LGR6: variants seen among roughly 807,000 people sequenced by gnomAD.
The protein encoded by LGR6 is leucine-rich repeat-containing G protein-coupled receptor 6.
LGR6 carries 45 observed loss-of-function variants against 69.4 expected under a neutral mutation model. The ratio of observed to expected loss-of-function variants is 0.65; its 90% CI spans 0.51 to 0.83. The LOEUF (loss-of-function observed/expected upper bound fraction) is 0.83, where lower values mean the gene tolerates loss of function less well. Among genes scored for constraint, LGR6 ranks in the 40% least tolerant of loss-of-function variants. The probability of loss-of-function intolerance (pLI) is 0.00; values close to 1 mark genes in which losing one functional copy is unlikely to be tolerated. For missense variants in LGR6, 1,108 were observed against 1,246.7 expected, an observed-to-expected ratio of 0.89 and a Z score of 1.68; for synonymous variants, 538 against 555.0, an observed-to-expected ratio of 0.97 and a Z score of 0.43.
At chr1:202,273,751 C>G (rs761146176) in intron 4 of LGR6, among the ~76,000 whole-genome samples, 3 of 152,226 alleles carry the variant, frequency 2.0e-5, no homozygotes, top group African/African-American at 7.2e-5. Context: ...CTACCGTGCC[C>G]GGTCATCAAT....
At chr1:202,316,982 C>T (rs1037583019) in intron 17 of LGR6, among the ~76,000 whole-genome samples, 14 of 152,144 alleles carry the variant, frequency 9.2e-5, no homozygotes, top group Non-Finnish European at 2.1e-4. Context: ...GTACTTGAGG[C>T]AATTTACCTC....
rs533343519 is a variant in LGR6 at position 202,303,334 on chromosome 1, A to G, written c.985A>G (p.Ser329Gly). 8.1e-6 allele frequency: 13 copies of G among 1,613,704 alleles called. 1 individual carries two copies. In the South Asian group the frequency reaches 1.2e-4, roughly 15 times the overall value. Residue 329 changes from serine (S) to glycine (G), a missense_variant, in exon 10 of 18, where the codon AGC (serine) becomes GGC (glycine). Ser to Gly is a moderately conservative substitution (Grantham distance 56). Transcript: ENST00000367278. ...QEFPDLKGTT[S>G]LEILTLTRAG... is the part of the protein sequence containing the mutation. ...GTTTCCAGATCTCAAAGGCACCACCAGCCTGGAGATCCTGTGAGTGGCTTC... is the reference window on the plus strand; with the variant it reads ...GTTTCCAGATCTCAAAGGCACCACCGGCCTGGAGATCCTGTGAGTGGCTTC...
intron 4 of LGR6, among the ~76,000 whole-genome samples, chr1:202,252,701 G>A (rs969364992): frequency 9.2e-5 from 14 of 152,242 alleles, no homozygotes; most frequent in Non-Finnish European, 2.1e-4. Flanking sequence ...GGACTTGTGG[G>A]ATTGGGACAC....
chr1:202,252,071 C>G (rs1307981001), intron 4 of LGR6, among the ~76,000 whole-genome samples: 2 of 152,058 alleles, frequency 1.3e-5, no homozygotes, highest in Admixed American at 6.5e-5. Flanking sequence ...ACACCACTTA[C>G]GTCATCTCAC....
intron 6 of LGR6, among the ~76,000 whole-genome samples, chr1:202,288,111 C>G (rs1312411189): frequency 6.6e-6 from 1 of 152,196 alleles, no homozygotes; most frequent in Non-Finnish European, 1.5e-5. Context: ...GGCACGATGG[C>G]CTCCTTGAAT....
At chr1:202,306,210 T>C (rs1157050580) in intron 12 of LGR6, among the ~76,000 whole-genome samples, 1 of 152,190 alleles carries the variant, frequency 6.6e-6, no homozygotes, top group Non-Finnish European at 1.5e-5. Flanking sequence ...ACATACATAA[T>C]CATATGTGGA....
At position 202,241,148 on chromosome 1, in the gene LGR6, G is replaced by A. The variant is rs116350119; in HGVS notation, c.428+5155G>A. ...GGTGACCCTCCCTGCTTCCCAAGGCGTACCAGCAAATGGAAATGTCTTTCC... is the reference window on the plus strand; with the variant it reads ...GGTGACCCTCCCTGCTTCCCAAGGCATACCAGCAAATGGAAATGTCTTTCC... On this transcript the variant is annotated intron_variant, in intron 4 of 17. Coordinates refer to ENST00000367278, the MANE Select transcript of LGR6 (RefSeq NM_001017403.2). 6.6e-3 allele frequency among the ~76,000 whole-genome samples: 1,002 copies of A among 152,272 alleles called. 8 individuals are homozygous for A. Among genetic ancestry groups the A allele is most frequent in the African/African-American group, 0.023 (959 of 41,544 alleles).
chr1:202,265,826 A>G (rs1664600070), intron 4 of LGR6, among the ~76,000 whole-genome samples: 1 of 152,214 alleles, frequency 6.6e-6, no homozygotes. Flanking sequence ...CTGAATATCC[A>G]TGGTGGGCAA....
chr1:202,273,847 A>G (rs1452089240), intron 4 of LGR6, among the ~76,000 whole-genome samples: 1 of 152,042 alleles, frequency 6.6e-6, no homozygotes, highest in Non-Finnish European at 1.5e-5. Flanking sequence ...GCCCTCATTC[A>G]TGACACCCCT....
rs1664288992 is a variant in LGR6 at position 202,262,158 on chromosome 1, C to T, written c.429-14148C>T. ...GGTGTTTTAGACATGAAGTCCTTGC[C>T]CATGCCTATGTCCTGAATGGTAATG... On this transcript the variant is annotated intron_variant, in intron 4 of 17. Coordinates refer to ENST00000367278, the MANE Select transcript of LGR6 (RefSeq NM_001017403.2). 1.3e-5 allele frequency among the ~76,000 whole-genome samples: 2 copies of T among 151,602 alleles called. 1 individual carries two copies. The highest frequency in any genetic ancestry group is 4.2e-4 in the South Asian group (2 of 4,776).
At chr1:202,237,851 C>T (rs893165476) in intron 4 of LGR6, among the ~76,000 whole-genome samples, 1 of 152,138 alleles carries the variant, frequency 6.6e-6, no homozygotes, top group African/African-American at 2.4e-5. Flanking sequence ...AGTCCTGGCT[C>T]TGATCGTGAC....
intron 8 of LGR6, 52 bp downstream of exon 8, chr1:202,300,972 A>T: frequency 6.6e-7 from 1 of 1,510,960 alleles, no homozygotes; most frequent in Non-Finnish European, 9.1e-7. Context: ...TTCAGGGAGG[A>T]GGACAGAGGA....
intron 4 of LGR6, among the ~76,000 whole-genome samples, chr1:202,253,592 C>T (rs1045845752): frequency 2.1e-4 from 31 of 148,936 alleles, no homozygotes; most frequent in Admixed American, 1.9e-3. Flanking sequence ...CGTGAGCCAC[C>T]GCGCCTGGCC....
At chr1:202,254,938 GAC>G (rs1179822493) in intron 4 of LGR6, among the ~76,000 whole-genome samples, 2 of 151,804 alleles carry the variant, frequency 1.3e-5, no homozygotes, top group African/African-American at 4.8e-5. Context: ...GAGTTGAAAA[GAC>G]AGTTTTTGCT....
At chr1:202,215,788 G>A (rs1395558221) in intron 1 of LGR6, among the ~76,000 whole-genome samples, 1 of 152,222 alleles carries the variant, frequency 6.6e-6, no homozygotes, top group Non-Finnish European at 1.5e-5. Flanking sequence ...ACTGGGAGCT[G>A]TGGAGGAGCT....
chr1:202,202,544 T>G (rs1469853175), intron 1 of LGR6, among the ~76,000 whole-genome samples: 1 of 152,234 alleles, frequency 6.6e-6, no homozygotes, highest in Non-Finnish European at 1.5e-5. Context: ...TATGGCTATA[T>G]GTTTCTTCAC....
intron 2 of LGR6, among the ~76,000 whole-genome samples, chr1:202,227,139 T>G (rs2147959039): frequency 6.6e-6 from 1 of 152,212 alleles, no homozygotes; most frequent in Admixed American, 6.5e-5. Flanking sequence ...AAACAATAAA[T>G]GTCAAATAAA....
In LGR6 at chr1:202,310,354, C is replaced by T. The variant is rs760897338; in HGVS notation, c.1564C>T (p.His522Tyr). Residue 522 changes from histidine to tyrosine, a missense_variant, in exon 16 of 18, where the codon CAC (histidine) becomes TAC (tyrosine). By Grantham distance (83) the His-to-Tyr change is moderately conservative (BLOSUM62 2). Transcript: ENST00000367278. Reference sequence around the variant, plus strand: ...CCTCCTTGCCAGACAAGCAGAGAACCACTGTGAGTGACCAGGGGCCCTGGG... The same window carrying T: ...CCTCCTTGCCAGACAAGCAGAGAACTACTGTGAGTGACCAGGGGCCCTGGG... Reference protein sequence around the residue: ...LGLLARQAENHYDQDLDELQL... With the variant: ...LGLLARQAENYYDQDLDELQL... 7.4e-6 allele frequency: 12 copies of T among 1,613,394 alleles called. No homozygotes were observed. Among genetic ancestry groups the T allele is most frequent in the Non-Finnish European group, 1.0e-5 (12 of 1,179,928 alleles).
chr1:202,195,306 C>T (rs1170185291), intron 1 of LGR6, among the ~76,000 whole-genome samples: 2 of 152,102 alleles, frequency 1.3e-5, no homozygotes, highest in South Asian at 2.1e-4. Context: ...TTTATAGGGG[C>T]CTAGCAAGAA....
Sources: allele counts gnomAD v4.1 joint callset (sites outside exome capture counted in the v4.1 genomes callset), GRCh38; gene constraint gnomAD v4.1.1; transcripts MANE v1.5; gene names NCBI Gene and HGNC (gene_info 2026-07-23, HGNC 2026-07-21).